WDR70: variants seen among roughly 807,000 people sequenced by gnomAD.
WDR70 encodes WD repeat domain 70.
Under a neutral mutation model 88.6 loss-of-function variants are expected in WDR70, and 53 were observed. The ratio of observed to expected loss-of-function variants is 0.60; its 90% CI spans 0.48 to 0.75. The LOEUF is 0.75. Ranked by LOEUF, WDR70 falls within the 30% of genes least tolerant of loss-of-function variation. WDR70 has a pLI of 0.00. For missense variants in WDR70, 610 were observed against 823.2 expected, an observed-to-expected ratio of 0.74 and a Z score of 3.17; for synonymous variants, 280 against 270.0, an observed-to-expected ratio of 1.04 and a Z score of -0.36.
intron 10 of WDR70, among the ~76,000 whole-genome samples, chr5:37,666,131 G>T (rs982599168): frequency 6.6e-6 from 1 of 152,336 alleles, no homozygotes; most frequent in Admixed American, 6.5e-5. Flanking sequence ...TTTCCCTCCC[G>T]TCTAGGCAGG....
chr5:37,557,961 T>TGAGTACTCTTTTGAAAACTCTTCAAAAGA (rs1176435994), intron 9 of WDR70, among the ~76,000 whole-genome samples: 1 of 148,396 alleles, frequency 6.7e-6, no homozygotes, highest in Non-Finnish European at 1.5e-5. Flanking sequence ...AAGAGTATTA[T>TGAGTACTCTTTTGAAAACTCTTCAAAAGA]GTATATTTAT....
intron 9 of WDR70, among the ~76,000 whole-genome samples, chr5:37,531,355 G>A (rs76447793): frequency 1.6e-3 from 251 of 152,174 alleles, no homozygotes; most frequent in African/African-American, 5.8e-3. Context: ...CTGCCTTGAT[G>A]ACTAGTGTCA....
At chr5:37,712,016 G>A (rs1346682403) in intron 13 of WDR70, among the ~76,000 whole-genome samples, 6 of 138,624 alleles carry the variant, frequency 4.3e-5, no homozygotes, top group East Asian at 2.1e-4. Context: ...TTCTTGAGAC[G>A]GAGTCTCACT....
chr5:37,483,107 T>A (rs1407696035), intron 8 of WDR70, among the ~76,000 whole-genome samples: 1 of 151,086 alleles, frequency 6.6e-6, no homozygotes, highest in Non-Finnish European at 1.5e-5. Flanking sequence ...CTCAGTTTTT[T>A]TTTTTTTTTT....
intron 8 of WDR70, among the ~76,000 whole-genome samples, chr5:37,480,999 A>G (rs1295021889): frequency 6.6e-6 from 1 of 152,246 alleles, no homozygotes; most frequent in Non-Finnish European, 1.5e-5. Flanking sequence ...TGCAAGTCCA[A>G]AACCCAGCAG....
intron 9 of WDR70, among the ~76,000 whole-genome samples, chr5:37,540,621 C>T (rs1272321673): frequency 1.3e-5 from 2 of 152,176 alleles, no homozygotes; most frequent in African/African-American, 2.4e-5. Context: ...ACCTCGTGAT[C>T]CACCCGCCTC....
chr5:37,416,523 G>T (rs1485979953), intron 5 of WDR70, among the ~76,000 whole-genome samples: 1 of 149,752 alleles, frequency 6.7e-6, no homozygotes, highest in African/African-American at 2.5e-5. Context: ...GGGAGATCGT[G>T]GGGAGAGGGA....
chr5:37,535,352 AAG>A (rs1182808510), intron 9 of WDR70, among the ~76,000 whole-genome samples: 2 of 152,170 alleles, frequency 1.3e-5, no homozygotes, highest in Non-Finnish European at 2.9e-5. Flanking sequence ...ATTTGAGGGA[AAG>A]AAAAGACTAG....
chr5:37,452,748 G>C (rs905296011), intron 7 of WDR70, among the ~76,000 whole-genome samples: 6 of 152,210 alleles, frequency 3.9e-5, no homozygotes, highest in Non-Finnish European at 8.8e-5. Flanking sequence ...AACATAGTAT[G>C]ATGTTTTCAA....
intron 4 of WDR70, among the ~76,000 whole-genome samples, chr5:37,392,869 A>G (rs1306928504): frequency 1.3e-5 from 2 of 149,088 alleles, no homozygotes; most frequent in African/African-American, 5.0e-5. Context: ...CTGGTCTCCA[A>G]CTCCTGACCT....
rs186878883 is a variant in WDR70 at position 37,425,239 on chromosome 5, A to C, written c.493-12683A>C. 6.6e-5 allele frequency among the ~76,000 whole-genome samples: 10 copies of C among 152,358 alleles called. No homozygotes were observed. In the East Asian group the frequency reaches 1.9e-3, roughly 29 times the overall value. On this transcript the variant is annotated intron_variant, in intron 5 of 17. Coordinates refer to ENST00000265107, the MANE Select transcript of WDR70 (RefSeq NM_018034.4). The stretch of plus-strand genomic sequence containing the variant: ...GCACTCCAGCTTGGGTGACAGAGTG[A>C]GACCCTATCTCAAAAAAACAACAAA...
chr5:37,407,069 A>G (rs1257059928), intron 5 of WDR70, among the ~76,000 whole-genome samples: 1 of 152,224 alleles, frequency 6.6e-6, no homozygotes, highest in Non-Finnish European at 1.5e-5. Flanking sequence ...ACAACAAATA[A>G]TTAGGTGTAG....
intron 10 of WDR70, among the ~76,000 whole-genome samples, chr5:37,665,018 T>TG (rs1409421373): frequency 6.6e-6 from 1 of 152,236 alleles, no homozygotes; most frequent in Admixed American, 6.5e-5. Flanking sequence ...GTAGGTCTTT[T>TG]GTTCATATTG....
chr5:37,744,024 G>T (rs1405871386), intron 17 of WDR70, among the ~76,000 whole-genome samples: 4 of 152,174 alleles, frequency 2.6e-5, no homozygotes, highest in Non-Finnish European at 5.9e-5. Context: ...ACTGGCATCA[G>T]GTTGGTGCCC....
At chr5:37,743,408 C>T (rs780436862) in intron 17 of WDR70, among the ~76,000 whole-genome samples, 9 of 152,206 alleles carry the variant, frequency 5.9e-5, no homozygotes, top group African/African-American at 9.6e-5. Flanking sequence ...TTAAGCCTAC[C>T]GAATTCCCAG....
chr5:37,543,436 G>A (rs1267869612), intron 9 of WDR70, among the ~76,000 whole-genome samples: 1 of 152,004 alleles, frequency 6.6e-6, no homozygotes, highest in Non-Finnish European at 1.5e-5. Context: ...TACGAAATAT[G>A]CACTTTCTTT....
At chr5:37,480,030 C>T (rs768838910) in intron 8 of WDR70, 43 bp downstream of exon 8, 1 of 1,567,244 alleles carries the variant, frequency 6.4e-7, no homozygotes, top group Non-Finnish European at 8.7e-7. Flanking sequence ...ATTCAGCACA[C>T]ATTTATTAAC....
chr5:37,727,199 C>T (rs1747995550), intron 17 of WDR70, among the ~76,000 whole-genome samples, 154 bp downstream of exon 17: 1 of 152,050 alleles, frequency 6.6e-6, no homozygotes, highest in African/African-American at 2.4e-5. Context: ...TAAACCTAGG[C>T]ATTTGTATGT....
At chr5:37,722,969 C>T (rs747641795) in intron 15 of WDR70, 35 bp downstream of exon 15, 2 of 1,605,976 alleles carry the variant, frequency 1.2e-6, no homozygotes, top group South Asian at 1.1e-5. Flanking sequence ...TCATGCATCT[C>T]TCTTCTACTC....
Sources: gnomAD v4.1 joint callset for allele counts (sites outside exome capture counted in the v4.1 genomes callset) on GRCh38, gnomAD v4.1.1 for gene constraint, MANE v1.5 for transcripts, NCBI Gene and HGNC (gene_info 2026-07-23, HGNC 2026-07-21) for gene names.